The following ENPP1 variants were observed in gnomAD, a reference collection of about 807,000 sequenced individuals.
The protein encoded by ENPP1 is ectonucleotide pyrophosphatase/phosphodiesterase family member 1.
In ENPP1, 73 loss-of-function variants were observed where a neutral mutation model predicts 122.8. The ratio of observed to expected loss-of-function variants is 0.59; its 90% CI spans 0.49 to 0.72. ENPP1 has a LOEUF of 0.72. Ranked by LOEUF, ENPP1 falls within the 30% of genes least tolerant of loss-of-function variation. ENPP1 has a pLI of 0.00. For synonymous variants in ENPP1, 367 were observed against 391.6 expected, an observed-to-expected ratio of 0.94 and a Z score of 0.74; for missense variants, 978 against 1,128.1, an observed-to-expected ratio of 0.87 and a Z score of 1.91.
At chr6:131,873,089 C>G in intron 15 of ENPP1, 39 bp downstream of exon 15, 1 of 1,610,904 alleles carries the variant, frequency 6.2e-7, no homozygotes. Flanking sequence ...TTAGTCTGAT[C>G]GGTTAGTGAT....
chr6:131,841,192 G>T (rs1396178257), intron 1 of ENPP1, among the ~76,000 whole-genome samples: 1 of 152,178 alleles, frequency 6.6e-6, no homozygotes, highest in Non-Finnish European at 1.5e-5. Context: ...TCAGGAATGT[G>T]TTGTCTTTGA....
intron 12 of ENPP1, among the ~76,000 whole-genome samples, chr6:131,868,691 C>G (rs1356494044): frequency 6.6e-6 from 1 of 152,252 alleles, no homozygotes; most frequent in Non-Finnish European, 1.5e-5. Flanking sequence ...GCTCCCACTG[C>G]TGCCTTCCAA....
chr6:131,809,260 T>C (rs1355893346), intron 1 of ENPP1, among the ~76,000 whole-genome samples: 1 of 152,196 alleles, frequency 6.6e-6, no homozygotes, highest in African/African-American at 2.4e-5. Flanking sequence ...CTAAAATATA[T>C]CCCCTTACAT....
At chr6:131,854,759 C>T (rs945705204) in intron 5 of ENPP1, among the ~76,000 whole-genome samples, 167 bp from the exon 6 acceptor site, 5 of 152,030 alleles carry the variant, frequency 3.3e-5, no homozygotes, top group Admixed American at 2.0e-4. Flanking sequence ...GCATGTAAAA[C>T]GTACTTTATA....
chr6:131,830,344 G>T (rs1345128487), intron 1 of ENPP1, among the ~76,000 whole-genome samples: 1 of 152,170 alleles, frequency 6.6e-6, no homozygotes, highest in Non-Finnish European at 1.5e-5. Flanking sequence ...TGGTCCAGGA[G>T]GGGGCAAGCT....
intron 1 of ENPP1, among the ~76,000 whole-genome samples, chr6:131,836,415 A>AGTGT (rs71809355): frequency 0.021 from 3,134 of 150,612 alleles, 136 homozygotes; most frequent in African/African-American, 0.071. Flanking sequence ...CACCCAGCCG[A>AGTGT]GTGTGTGTGT....
intron 11 of ENPP1, among the ~76,000 whole-genome samples, chr6:131,866,007 A>AAAAAAAGAG (rs1554203831): frequency 6.6e-6 from 1 of 150,392 alleles, no homozygotes; most frequent in Admixed American, 6.6e-5. Flanking sequence ...AAAAAAAAAA[A>AAAAAAAGAG]AGAGAAAAAG....
intron 23 of ENPP1, 85 bp downstream of exon 23, chr6:131,885,148 T>G: frequency 7.6e-7 from 1 of 1,315,634 alleles, no homozygotes; most frequent in Non-Finnish European, 1.1e-6. Flanking sequence ...CAACAGAACC[T>G]TTTTTATCCA....
At chr6:131,854,379 C>T (rs747335315) in intron 5 of ENPP1, among the ~76,000 whole-genome samples, 1 of 151,516 alleles carries the variant, frequency 6.6e-6, no homozygotes, top group Non-Finnish European at 1.5e-5. Flanking sequence ...CGCCACTGCA[C>T]GGCAGCCTGA....
chr6:131,877,963 G>A (rs1168938199), intron 18 of ENPP1: 1 of 138,028 alleles, frequency 7.2e-6, no homozygotes, highest in Non-Finnish European at 1.5e-5. Context: ...TAGAATAGAA[G>A]AAAGACTGTT....
rs577211800 is a variant in ENPP1 at position 131,894,975 on chromosome 6, C to G, written c.*4464C>G. The G allele has an allele frequency of 2.0e-5, 3 of 152,354 alleles. No individual in the cohort carries two copies. Among genetic ancestry groups the G allele is most frequent in the East Asian group, 3.9e-4 (2 of 5,194 alleles). The allele number at this position is 152,354 out of a possible 1,614,324, so 9.4% of individuals were successfully genotyped here. The stretch of plus-strand genomic sequence containing the variant: ...GTGGTGATTACACTTCATGCTGAAG[C>G]TTTTCACATGAGTGCTTTCATAAGC... On this transcript the variant is annotated 3_prime_UTR_variant, in exon 25 of 25. Transcript: ENST00000647893.
rs1782323221 is a variant in ENPP1, at chr6:131,882,400, C to T, written c.2156C>T (p.Pro719Leu). 2 of 1,604,380 alleles carry T rather than the reference C, an allele frequency of 1.2e-6. No homozygotes were observed. Among genetic ancestry groups the T allele is most frequent in the African/African-American group, 1.3e-5 (1 of 74,670 alleles). Residue 719 changes from proline to leucine, a missense_variant, in exon 21 of 25, where the codon CCT (proline) becomes CTT (leucine). Pro to Leu is a moderately conservative substitution (Grantham distance 98). This residue lies in a region of ENPP1 where 644 missense variants were observed against 781.5 expected (regional missense o/e 0.82). Transcript: ENST00000647893. ...SNCLYQDFRI[P>L]LSPVHKCSFY... ...TGTCTGTACCAGGACTTTAGAATTC[C>T]TCTTAGTCCTGTCCATAAATGTTCA...
chr6:131,862,634 TG>T (rs1337971115), intron 9 of ENPP1, among the ~76,000 whole-genome samples: 2 of 152,208 alleles, frequency 1.3e-5, no homozygotes, highest in Non-Finnish European at 1.5e-5. Flanking sequence ...TGCTATCTCC[TG>T]TTCCTGGGAT....
At chr6:131,817,803 C>G (rs568757251) in intron 1 of ENPP1, among the ~76,000 whole-genome samples, 3 of 148,780 alleles carry the variant, frequency 2.0e-5, no homozygotes, top group African/African-American at 7.4e-5. Flanking sequence ...ATGTACATAT[C>G]TCCATATTTT....
Position 131,894,660 on chromosome 6 carries a change from A to G in ENPP1, c.*4149A>G, listed in dbSNP as rs1459707816. ...AAAGAACCTGGCAAAACTTAAAAAA[A>G]CGTTTCCAAGAATCAGATAAAAGAG... On this transcript the variant is annotated 3_prime_UTR_variant, in exon 25 of 25. Transcript: ENST00000647893. The G allele has an allele frequency of 6.6e-6, 1 of 152,282 alleles. No individual in the cohort carries two copies. The highest frequency in any genetic ancestry group is 1.5e-5 in the Non-Finnish European group (1 of 68,072). 9.4% of individuals were successfully genotyped at this position (152,282 alleles called of 1,614,324 possible). A position where few individuals can be genotyped will look rare whatever the true frequency, so the allele number is the denominator to read the frequency against.
rs1304248066 is a variant in ENPP1, at chr6:131,857,898, G to A, written c.716-770G>A. On this transcript the variant is annotated intron_variant, in intron 6 of 24. Coordinates refer to ENST00000647893, the MANE Select transcript of ENPP1 (RefSeq NM_006208.3). ...CATCGTGAGTTTAGAGTTAAGAGGTGGAGGTACCTGTATATGAAGTTTAAA... is the reference window on the plus strand; with the variant it reads ...CATCGTGAGTTTAGAGTTAAGAGGTAGAGGTACCTGTATATGAAGTTTAAA... Among the ~76,000 whole-genome samples the A allele has an allele frequency of 3.3e-5, 5 of 152,268 alleles. No homozygotes were observed. The East Asian group carries it at 7.7e-4, about 23-fold the overall frequency.
At chr6:131,870,360 C>T (rs1782146010) in intron 13 of ENPP1, among the ~76,000 whole-genome samples, 1 of 152,146 alleles carries the variant, frequency 6.6e-6, no homozygotes, top group Non-Finnish European at 1.5e-5. Context: ...ACATAAACTG[C>T]CAAAAGATGT....
intron 6 of ENPP1, 150 bp from the exon 7 acceptor site, chr6:131,858,517 CT>C: frequency 1.6e-6 from 1 of 620,056 alleles, no homozygotes; most frequent in South Asian, 2.0e-5. Flanking sequence ...CACAGTGTTG[CT>C]TTATAATTCA....
At chr6:131,872,495 A>G (rs1044361832) in intron 14 of ENPP1, among the ~76,000 whole-genome samples, 3 of 152,144 alleles carry the variant, frequency 2.0e-5, no homozygotes, top group Non-Finnish European at 4.4e-5. Flanking sequence ...TGAGTTATCT[A>G]TACTACATTT....
Sources: allele counts gnomAD v4.1 joint callset (sites outside exome capture counted in the v4.1 genomes callset), GRCh38; gene constraint gnomAD v4.1.1; regional missense constraint gnomAD v4.1.1; transcripts MANE v1.5; gene names NCBI Gene and HGNC (gene_info 2026-07-23, HGNC 2026-07-21).